DMD: variants seen among roughly 807,000 people sequenced by gnomAD.
DMD encodes dystrophin, also known as mutant dystrophin.
Under a neutral mutation model 330.1 loss-of-function variants are expected in DMD, and 63 were observed. The ratio of observed to expected loss-of-function variants is 0.19; its 90% CI spans 0.16 to 0.24. The LOEUF (loss-of-function observed/expected upper bound fraction) is 0.24, where lower values mean the gene tolerates loss of function less well. DMD is among the 10% of genes least tolerant of loss of function. The pLI is 1.00. For synonymous variants in DMD, 1,223 were observed against 959.8 expected, an observed-to-expected ratio of 1.27 and a Z score of -5.07; for missense variants, 3,344 against 2,684.1, an observed-to-expected ratio of 1.25 and a Z score of -5.43.
chrX:31,834,159 G>A (rs952626542), intron 49 of DMD, among the ~76,000 whole-genome samples: 7 of 111,556 alleles, frequency 6.3e-5, no homozygotes, highest in African/African-American at 2.3e-4. Flanking sequence ...GAGCAATGGA[G>A]TGTCCTTCAG....
chrX:31,728,947 C>T (rs1002112124), intron 52 of DMD, among the ~76,000 whole-genome samples: 2 of 110,877 alleles, frequency 1.8e-5, no homozygotes, highest in Non-Finnish European at 3.8e-5. Flanking sequence ...TGAGGGAAAC[C>T]GGGTGGCGAG....
At chrX:32,043,378 T>TA (rs36081413) in intron 44 of DMD, among the ~76,000 whole-genome samples, 20,789 of 111,038 alleles carry the variant, frequency 0.19, 1,426 homozygotes, top group Non-Finnish European at 0.21. Context: ...ATATGTTCAA[T>TA]AAAAAATCAT....
chrX:31,165,570 C>A (rs1311534912), intron 74 of DMD, among the ~76,000 whole-genome samples: 2 of 111,208 alleles, frequency 1.8e-5, no homozygotes, highest in Non-Finnish European at 3.8e-5. Context: ...TTAGACAGTG[C>A]AGAGACAAAT....
At chrX:32,334,828 C>T (rs767199616) in intron 41 of DMD, among the ~76,000 whole-genome samples, 11 of 111,722 alleles carry the variant, frequency 9.8e-5, no homozygotes, top group African/African-American at 2.6e-4. Context: ...GCATATCAAA[C>T]GCACTAGAAA....
intron 3 of DMD, among the ~76,000 whole-genome samples, chrX:32,846,132 T>G (rs1356214060): frequency 8.9e-6 from 1 of 112,032 alleles, no homozygotes; most frequent in African/African-American, 3.2e-5. Context: ...TATTATTGAC[T>G]TCGTAGTATG....
chrX:32,315,093 G>A (rs988093481), intron 41 of DMD, among the ~76,000 whole-genome samples: 8 of 111,947 alleles, frequency 7.1e-5, no homozygotes, highest in African/African-American at 2.6e-4. Flanking sequence ...GCACACGTAT[G>A]TTTATTGCAG....
chrX:32,909,546 C>T (rs2087038586), intron 2 of DMD, among the ~76,000 whole-genome samples: 1 of 111,363 alleles, frequency 9.0e-6, no homozygotes. Context: ...TGTAGGAGAA[C>T]AGATATTTTC....
chrX:31,184,409 A>G (rs2041514519), intron 67 of DMD, among the ~76,000 whole-genome samples: 1 of 106,758 alleles, frequency 9.4e-6, no homozygotes, highest in African/African-American at 3.4e-5. Flanking sequence ...CAAAACCACA[A>G]TGAGATACCA....
intron 41 of DMD, among the ~76,000 whole-genome samples, chrX:32,320,415 T>G (rs2097606854): frequency 8.9e-6 from 1 of 111,894 alleles, no homozygotes; most frequent in Admixed American, 9.5e-5. Context: ...CTAAATTATT[T>G]AAAAGCAAAT....
rs766562161 is a variant in DMD at position 31,184,370 on chromosome X, C to T, written c.9808-1466G>A. Among the ~76,000 whole-genome samples the T allele has an allele frequency of 7.3e-5, 8 of 110,220 alleles. No homozygotes were observed. The South Asian group carries it at 3.2e-3, about 44-fold the overall frequency. ...CAAAAAACACATGAAAAAATGCTCA[C>T]CATCACTGGCCATCAGAGAAATGCA... is the stretch of plus-strand genomic sequence containing the variant. On this transcript the variant is annotated intron_variant, in intron 67 of 78. Transcript: ENST00000357033.
intron 44 of DMD, among the ~76,000 whole-genome samples, chrX:32,176,771 C>A (rs902384302): frequency 9.0e-6 from 1 of 110,968 alleles, no homozygotes; most frequent in African/African-American, 3.3e-5. Context: ...CAGTTCATCA[C>A]GGTCACCTTT....
rs903099897 is a variant in DMD, at chrX:31,386,898, C to G, written c.9085-38264G>C. Among the ~76,000 whole-genome samples the G allele has an allele frequency of 4.5e-5, 5 of 111,308 alleles. No individual in the cohort carries two copies. The Admixed American group carries it at 4.8e-4, about 11-fold the overall frequency. Reference sequence around the variant, plus strand: ...CTGAGCTGCTTCCTTAAGGCATTTCCTCGGTCAGATCTACTTATGGTTGAC... The same window carrying G: ...CTGAGCTGCTTCCTTAAGGCATTTCGTCGGTCAGATCTACTTATGGTTGAC... On this transcript the variant is annotated intron_variant, in intron 60 of 78. Coordinates refer to ENST00000357033, the MANE Select transcript of DMD (RefSeq NM_004006.3).
chrX:32,677,256 T>G (rs935188125), intron 9 of DMD, among the ~76,000 whole-genome samples: 1 of 111,500 alleles, frequency 9.0e-6, no homozygotes, highest in African/African-American at 3.2e-5. Flanking sequence ...AGTTATTTAA[T>G]GTATTGTAAA....
intron 2 of DMD, among the ~76,000 whole-genome samples, chrX:32,948,690 G>T (rs1268551240): frequency 2.7e-5 from 3 of 111,645 alleles, no homozygotes; most frequent in Non-Finnish European, 5.7e-5. Context: ...CTGTCATTCT[G>T]GAGAAGCAAG....
At chrX:33,202,355 A>C (rs2051324233) in intron 1 of DMD, among the ~76,000 whole-genome samples, 1 of 111,783 alleles carries the variant, frequency 8.9e-6, no homozygotes, top group Non-Finnish European at 1.9e-5. Context: ...TACCTTAAGC[A>C]AATTACTTAA....
rs189757815 is a variant in DMD, at chrX:33,058,601, C to A, written c.32-38401G>T. On this transcript the variant is annotated intron_variant, in intron 1 of 78. Transcript: ENST00000357033. ...TACAGGCATGATCCACTACACCTGG[C>A]CTACTAATTTCTTTTGAACACATAC... 2.7e-5 allele frequency among the ~76,000 whole-genome samples: 3 copies of A among 110,554 alleles called. No homozygotes were observed. The East Asian group carries it at 8.6e-4, about 32-fold the overall frequency.
intron 53 of DMD, among the ~76,000 whole-genome samples, chrX:31,662,669 A>G (rs2081194574): frequency 9.0e-6 from 1 of 111,677 alleles, no homozygotes; most frequent in South Asian, 3.8e-4. Context: ...ACATCTTCCC[A>G]GGAAGTTTTG....
At chrX:33,133,778 C>T (rs183898976) in intron 1 of DMD, among the ~76,000 whole-genome samples, 5 of 112,158 alleles carry the variant, frequency 4.5e-5, no homozygotes, top group Admixed American at 9.5e-5. Context: ...TCTACAATCT[C>T]ATCACTGTGG....
intron 60 of DMD, among the ~76,000 whole-genome samples, chrX:31,385,925 AC>A (rs2148755817): frequency 8.9e-6 from 1 of 112,280 alleles, no homozygotes; most frequent in African/African-American, 3.2e-5. Context: ...ACACATGCAC[AC>A]GTATGTTTAT....
Sources: allele counts gnomAD v4.1 joint callset (sites outside exome capture counted in the v4.1 genomes callset), GRCh38; gene constraint gnomAD v4.1.1; transcripts MANE v1.5; gene names NCBI Gene and HGNC (gene_info 2026-07-23, HGNC 2026-07-21).